NRXN3: variants seen among roughly 807,000 people sequenced by gnomAD.
NRXN3 encodes neurexin 3, also known as neurexin III.
A neutral mutation model predicts 137.6 loss-of-function variants in NRXN3; 32 were observed. The ratio of observed to expected loss-of-function variants is 0.23; its 90% CI spans 0.18 to 0.31. The LOEUF is 0.31. Among genes scored for constraint, NRXN3 ranks in the 10% least tolerant of loss-of-function variants. The pLI, the probability that NRXN3 is intolerant of heterozygous loss-of-function variation, is 1.00. For synonymous variants in NRXN3, 798 were observed against 784.5 expected (o/e 1.02, Z -0.29); for missense variants, 1,574 against 2,062.5 (o/e 0.76, Z 4.59).
At chr14:79,265,988 A>AC (rs2078411549) in intron 15 of NRXN3, among the ~76,000 whole-genome samples, 2 of 152,156 alleles carry the variant, frequency 1.3e-5, no homozygotes, top group South Asian at 4.1e-4. Flanking sequence ...GGACAGGAAA[A>AC]ATAAATAGTA....
intron 17 of NRXN3, among the ~76,000 whole-genome samples, chr14:79,672,002 C>A (rs1439706420): frequency 6.6e-6 from 1 of 152,038 alleles, no homozygotes; most frequent in Non-Finnish European, 1.5e-5. Flanking sequence ...TTAACATACA[C>A]AAAGGAGCTT....
chr14:78,510,949 A>T (rs528026288), intron 4 of NRXN3, among the ~76,000 whole-genome samples: 1 of 152,306 alleles, frequency 6.6e-6, no homozygotes, highest in East Asian at 1.9e-4. Context: ...AGAAAATTTT[A>T]TGACTTGCAT....
chr14:78,839,799 G>A (rs1025140346), intron 10 of NRXN3, among the ~76,000 whole-genome samples: 3 of 152,148 alleles, frequency 2.0e-5, no homozygotes, highest in African/African-American at 7.2e-5. Flanking sequence ...AGAATAAAAA[G>A]AGCCCACCAC....
rs989588340 is a variant in NRXN3, at chr14:79,784,751, C to T, written c.4015-20361C>T. 7.9e-5 allele frequency among the ~76,000 whole-genome samples: 12 copies of T among 151,068 alleles called. No individual in the cohort carries two copies. The Admixed American group carries it at 8.0e-4, about 10-fold the overall frequency. On this transcript the variant is annotated intron_variant, in intron 19 of 20. Transcript: ENST00000335750. ...AAGTATGTTCCAGCTGGGAGTCTAT[C>T]GGGCTGTTAAAATTAACTTTATTCT...
At chr14:79,259,655 A>G (rs2077295436) in intron 15 of NRXN3, among the ~76,000 whole-genome samples, 1 of 148,090 alleles carries the variant, frequency 6.8e-6, no homozygotes, top group Non-Finnish European at 1.5e-5. Flanking sequence ...ATCTATATAT[A>G]GCTATATAGT....
chr14:78,532,308 C>T (rs746842295), intron 4 of NRXN3, among the ~76,000 whole-genome samples: 10 of 135,926 alleles, frequency 7.4e-5, no homozygotes, highest in Admixed American at 4.0e-4. Flanking sequence ...GCAATAAGAG[C>T]GAAACTCCAT....
chr14:78,419,995 C>A (rs1195268389), intron 4 of NRXN3, among the ~76,000 whole-genome samples: 1 of 137,470 alleles, frequency 7.3e-6, no homozygotes, highest in East Asian at 2.1e-4. Flanking sequence ...ACGTAAAGTC[C>A]TGACTACCAG....
At chr14:78,515,218 A>G (rs2096184399) in intron 4 of NRXN3, among the ~76,000 whole-genome samples, 1 of 152,194 alleles carries the variant, frequency 6.6e-6, no homozygotes, top group African/African-American at 2.4e-5. Context: ...GTAACTGTGC[A>G]GGAAGAGTAT....
chr14:78,614,360 T>C (rs550549019), intron 4 of NRXN3, among the ~76,000 whole-genome samples: 15 of 152,310 alleles, frequency 9.8e-5, no homozygotes, highest in Middle Eastern at 3.4e-3. Flanking sequence ...TAAAAAGATC[T>C]TGTGAAGCCC....
At chr14:78,172,584 G>A (rs1421241805) in intron 1 of NRXN3, among the ~76,000 whole-genome samples, 1 of 152,106 alleles carries the variant, frequency 6.6e-6, no homozygotes, top group Admixed American at 6.5e-5. Context: ...GTTGGGGAGT[G>A]GAGTAAGGGC....
intron 10 of NRXN3, among the ~76,000 whole-genome samples, chr14:78,934,175 A>C (rs1003763913): frequency 1.9e-4 from 29 of 151,766 alleles, no homozygotes; most frequent in Non-Finnish European, 4.0e-4. Context: ...AAAAAAAAAA[A>C]AAAAACCCCA....
intron 15 of NRXN3, among the ~76,000 whole-genome samples, chr14:79,441,581 C>T (rs982805714): frequency 6.6e-6 from 1 of 151,490 alleles, no homozygotes; most frequent in South Asian, 2.1e-4. Context: ...GGGGTTTCAC[C>T]GTGTTAGCCA....
intron 10 of NRXN3, among the ~76,000 whole-genome samples, chr14:78,865,039 A>G (rs1320109604): frequency 6.6e-6 from 1 of 152,154 alleles, no homozygotes; most frequent in Non-Finnish European, 1.5e-5. Flanking sequence ...AAGTTGCTGT[A>G]TTTTGGGGTA....
At chr14:78,532,520 C>T (rs1364789439) in intron 4 of NRXN3, among the ~76,000 whole-genome samples, 1 of 151,120 alleles carries the variant, frequency 6.6e-6, no homozygotes, top group East Asian at 2.0e-4. Context: ...AGACCAGTTC[C>T]TTCTCTCCTA....
At chr14:79,412,692 A>G (rs755546050) in intron 15 of NRXN3, among the ~76,000 whole-genome samples, 1 of 149,896 alleles carries the variant, frequency 6.7e-6, no homozygotes, top group Non-Finnish European at 1.5e-5. Flanking sequence ...CTAAGGCAAT[A>G]GAATCGCTTG....
intron 1 of NRXN3, among the ~76,000 whole-genome samples, chr14:78,199,471 A>AT (rs768665832): frequency 1.3e-5 from 2 of 152,078 alleles, no homozygotes; most frequent in African/African-American, 4.8e-5. Context: ...ACATCTGTAT[A>AT]TTTTTTTATT....
At chr14:79,732,521 ACC>A (rs1370585141) in intron 19 of NRXN3, among the ~76,000 whole-genome samples, 1 of 152,068 alleles carries the variant, frequency 6.6e-6, no homozygotes, top group Non-Finnish European at 1.5e-5. Context: ...TTAATTTGCA[ACC>A]TAGTTTATGA....
At chr14:78,872,441 C>T (rs2099103800) in intron 10 of NRXN3, among the ~76,000 whole-genome samples, 1 of 151,484 alleles carries the variant, frequency 6.6e-6, no homozygotes, top group South Asian at 2.1e-4. Flanking sequence ...TTTCTATTCT[C>T]TGCATTGTAT....
rs2066708052 is a variant in NRXN3 at position 79,205,857 on chromosome 14, C to A, written c.3262+217716C>A. 2.6e-5 allele frequency among the ~76,000 whole-genome samples: 4 copies of A among 152,080 alleles called. No individual in the cohort carries two copies. The South Asian group carries it at 8.3e-4, about 32-fold the overall frequency. On this transcript the variant is annotated intron_variant, in intron 15 of 20. Coordinates refer to ENST00000335750, the MANE Select transcript of NRXN3 (RefSeq NM_001330195.2). ...CTCCATGTTGCTACACTTAATTTTG[C>A]CTCTATTTCAAGGAACTTCAAACAC...
Sources: gnomAD v4.1 joint callset for allele counts (sites outside exome capture counted in the v4.1 genomes callset) on GRCh38, gnomAD v4.1.1 for gene constraint, MANE v1.5 for transcripts, NCBI Gene and HGNC (gene_info 2026-07-23, HGNC 2026-07-21) for gene names.